Variants in PCDHA2 observed in about 807,000 individuals in gnomAD.
PCDHA2 encodes protocadherin alpha-2.
In PCDHA2, 58 loss-of-function variants were observed where a neutral mutation model predicts 66.0. That is an observed-to-expected ratio of 0.88 (90% confidence interval 0.71 to 1.09). The LOEUF is 1.09. Ranked by LOEUF, PCDHA2 falls within the 50% of genes least tolerant of loss-of-function variation. The pLI, the probability that PCDHA2 is intolerant of heterozygous loss-of-function variation, is 0.00. For synonymous variants in PCDHA2, 634 were observed against 554.0 expected (o/e 1.14, Z -2.03); for missense variants, 1,267 against 1,242.3 (o/e 1.02, Z -0.30).
intron 1 of PCDHA2, chr5:140,858,475 GAAT>G (rs2045440906): frequency 2.0e-6 from 3 of 1,517,006 alleles, no homozygotes; most frequent in East Asian, 4.9e-5. Context: ...TGTGCTTTAT[GAAT>G]AATATTTTCT....
chr5:140,883,179 C>A, intron 1 of PCDHA2: 4 of 1,613,776 alleles, frequency 2.5e-6, no homozygotes, highest in Non-Finnish European at 1.7e-6. Flanking sequence ...GAAATTAGGA[C>A]AAAAGGCAAA....
intron 1 of PCDHA2, chr5:140,841,894 G>T (rs2150324994): frequency 6.2e-7 from 1 of 1,613,814 alleles, no homozygotes; most frequent in Non-Finnish European, 8.5e-7. Flanking sequence ...AGAATAAACT[G>T]GTTGAGCTCG....
At chr5:140,866,405 A>G (rs2049336607) in intron 1 of PCDHA2, 1 of 152,116 alleles carries the variant, frequency 6.6e-6, no homozygotes, top group Admixed American at 6.6e-5. Context: ...TCCCATGAAA[A>G]TCTTCAAATG....
At position 140,802,989 on chromosome 5, in the gene PCDHA2, G is replaced by C. The variant is rs782634798; in HGVS notation, c.2388+5637G>C. 4 of 1,614,030 alleles carry C rather than the reference G, an allele frequency of 2.5e-6. No homozygotes were observed. In the South Asian group the frequency reaches 3.3e-5, roughly 13 times the overall value. ...CGTGGTAGCGAAGGTGCGCGCAGTG[G>C]ATGCAGACTCAGGCTACAACGCGTG... is the stretch of plus-strand genomic sequence containing the variant. On this transcript the variant is annotated intron_variant, in intron 1 of 3. Transcript: ENST00000526136.
intron 1 of PCDHA2, chr5:140,816,912 T>C (rs1425920836): frequency 2.0e-5 from 3 of 152,200 alleles, no homozygotes; most frequent in Admixed American, 2.0e-4. Flanking sequence ...CCCTCAGTTA[T>C]AGATTCTGCT....
At chr5:140,827,522 A>G (rs1769311626) in intron 1 of PCDHA2, among the ~76,000 whole-genome samples, 2 of 151,350 alleles carry the variant, frequency 1.3e-5, no homozygotes. Flanking sequence ...TAAAAATTCA[A>G]CCAAAATTTG....
At position 140,836,649 on chromosome 5, in the gene PCDHA2, C is replaced by A; in HGVS notation, c.2388+39297C>A. The A allele has an allele frequency of 2.5e-6, 4 of 1,613,466 alleles. 1 individual carries two copies. The highest frequency in any genetic ancestry group is 3.4e-6 in the Non-Finnish European group (4 of 1,179,602). On this transcript the variant is annotated intron_variant, in intron 1 of 3. Transcript: ENST00000526136. ...CTGGTCATTCTCCCAGCAGAGGCGGCAGAGGGTGTGCTCTGGGGAGGGCCC... is the reference window on the plus strand; with the variant it reads ...CTGGTCATTCTCCCAGCAGAGGCGGAAGAGGGTGTGCTCTGGGGAGGGCCC...
chr5:140,908,270 G>A (rs1554193271), intron 1 of PCDHA2, among the ~76,000 whole-genome samples: 1 of 152,154 alleles, frequency 6.6e-6, no homozygotes, highest in African/African-American at 2.4e-5. Context: ...AACTCCCCAT[G>A]AGGCCATTGT....
In PCDHA2 at chr5:141,010,929, T is replaced by G. The variant is rs782088449; in HGVS notation, c.*992T>G. 1 of 153,778 alleles carries G rather than the reference T, an allele frequency of 6.5e-6. No homozygotes were observed. Among genetic ancestry groups the G allele is most frequent in the Non-Finnish European group, 1.5e-5 (1 of 68,048 alleles). 9.5% of individuals were successfully genotyped at this position (153,778 alleles called of 1,614,324 possible). A position where few individuals can be genotyped will look rare whatever the true frequency, so the allele number is the denominator to read the frequency against. ...AAACTCTCCTCAAAAGAGAATTCAG[T>G]CTACAGCCATTTAAATGATCATTGC... On this transcript the variant is annotated 3_prime_UTR_variant, in exon 4 of 4. Transcript: ENST00000526136.
rs137969621 is a variant in PCDHA2, at chr5:140,884,072, G to T, written c.2388+86720G>T. The T allele has an allele frequency of 9.1e-5, 147 of 1,613,476 alleles. 1 individual carries two copies. In the African/African-American group the frequency reaches 1.7e-3, roughly 19 times the overall value. On this transcript the variant is annotated intron_variant, in intron 1 of 3. Coordinates refer to ENST00000526136, the MANE Select transcript of PCDHA2 (RefSeq NM_018905.3). ...GGTGCGCGCGGTGGACGCCGATTCGGGCTACAATGCGTGGCTTTCGTATGA... is the reference window on the plus strand; with the variant it reads ...GGTGCGCGCGGTGGACGCCGATTCGTGCTACAATGCGTGGCTTTCGTATGA...
chr5:140,884,579 G>A (rs1035826331), intron 1 of PCDHA2: 5 of 1,614,058 alleles, frequency 3.1e-6, no homozygotes, highest in Admixed American at 1.7e-5. Flanking sequence ...GGACCTCATG[G>A]CCTTCAGTCC....
intron 1 of PCDHA2, among the ~76,000 whole-genome samples, chr5:140,838,898 G>A (rs1024702738): frequency 6.6e-6 from 1 of 151,748 alleles, no homozygotes; most frequent in Non-Finnish European, 1.5e-5. Context: ...CTAGGTGACA[G>A]AGCAATACCT....
chr5:140,901,244 T>C (rs1166862455), intron 1 of PCDHA2, among the ~76,000 whole-genome samples: 3 of 152,212 alleles, frequency 2.0e-5, no homozygotes, highest in Non-Finnish European at 4.4e-5. Context: ...TTTTTTCCTT[T>C]GGTTCCCTGT....
At chr5:141,002,503 A>G (rs924059580) in intron 3 of PCDHA2, among the ~76,000 whole-genome samples, 1 of 152,226 alleles carries the variant, frequency 6.6e-6, no homozygotes, top group African/African-American at 2.4e-5. Flanking sequence ...ACAGCTCAGG[A>G]TCTGAGTCTC....
chr5:140,988,247 TC>T (rs2097289620), intron 3 of PCDHA2, among the ~76,000 whole-genome samples: 1 of 152,148 alleles, frequency 6.6e-6, no homozygotes, highest in Admixed American at 6.5e-5. Context: ...GTGGGGCAGC[TC>T]CCGCCTGTGA....
Position 140,824,630 on chromosome 5 carries a change from TTTA to T in PCDHA2, c.2388+27281_2388+27283del, listed in dbSNP as rs1222367338. The T allele has an allele frequency of 6.7e-3, 821 of 121,994 alleles. 129 individuals carry two copies. The highest frequency in any genetic ancestry group is 0.019 in the African/African-American group (519 of 27,074). 7.6% of individuals were successfully genotyped at this position (121,994 alleles called of 1,614,324 possible). A position where few individuals can be genotyped will look rare whatever the true frequency, so the allele number is the denominator to read the frequency against. Reference sequence around the variant, plus strand: ...TTAAAGTTTTTTTTTTTTTTTTTTTTTTATTTTCTGTAGAGATAGGGGTCTTGC... The same window carrying T: ...TTAAAGTTTTTTTTTTTTTTTTTTTTTTTTCTGTAGAGATAGGGGTCTTGC... On this transcript the variant is annotated intron_variant, in intron 1 of 3. Coordinates refer to ENST00000526136, the MANE Select transcript of PCDHA2 (RefSeq NM_018905.3).
rs553716577 is a variant in PCDHA2 at position 140,809,243 on chromosome 5, G to T, written c.2388+11891G>T. On this transcript the variant is annotated intron_variant, in intron 1 of 3. Transcript: ENST00000526136. ...GGCCTCCTCACGGGCGTTGGTGGGC[G>T]CTGTGGGTCCCGATGCTGCGCTGGT... 6.8e-6 allele frequency: 11 copies of T among 1,614,094 alleles called. No individual in the cohort carries two copies. The African/African-American group carries it at 8.0e-5, about 12-fold the overall frequency.
intron 1 of PCDHA2, among the ~76,000 whole-genome samples, chr5:140,887,521 T>C (rs561642770): frequency 1.3e-5 from 2 of 152,346 alleles, no homozygotes; most frequent in Admixed American, 1.3e-4. Flanking sequence ...TTTTTATATA[T>C]GAGTCTTCCT....
intron 1 of PCDHA2, chr5:140,863,533 G>A: frequency 2.6e-6 from 1 of 389,860 alleles, no homozygotes; most frequent in Non-Finnish European, 5.0e-6. Flanking sequence ...TTCAGATTTT[G>A]GAGATGGACT....
Sources: gnomAD v4.1 joint callset for allele counts (sites outside exome capture counted in the v4.1 genomes callset) on GRCh38, gnomAD v4.1.1 for gene constraint, MANE v1.5 for transcripts, NCBI Gene and HGNC (gene_info 2026-07-23, HGNC 2026-07-21) for gene names.